LRCH3: variants seen among roughly 807,000 people sequenced by gnomAD.
LRCH3 encodes the protein leucine rich repeats and calponin homology domain containing 3.
In LRCH3, 68 loss-of-function variants were observed where a neutral mutation model predicts 104.5. The ratio of observed to expected loss-of-function variants is 0.65; its 90% CI spans 0.54 to 0.80. The LOEUF (loss-of-function observed/expected upper bound fraction) is 0.80. LRCH3 is among the 30% of genes least tolerant of loss of function. The pLI is 0.00. For synonymous variants in LRCH3, 344 were observed against 361.3 expected, an observed-to-expected ratio of 0.95 and a Z score of 0.54; for missense variants, 951 against 953.9, an observed-to-expected ratio of 1.00 and a Z score of 0.04.
At chr3:197,848,568 C>G (rs1369451949) in intron 12 of LRCH3, 1 of 152,494 alleles carries the variant, frequency 6.6e-6, no homozygotes, top group African/African-American at 2.4e-5. Flanking sequence ...TCTTTTTGTT[C>G]TGAAATCGTC....
Position 197,879,383 on chromosome 3 carries a change from A to C in LRCH3, c.2208+3608A>C, listed in dbSNP as rs373950247. Among the ~76,000 whole-genome samples, 219 of 152,088 alleles carry C rather than the reference A, an allele frequency of 1.4e-3. 3 individuals are homozygous for C. Among genetic ancestry groups the C allele is most frequent in the East Asian group, 0.012 (61 of 5,178 alleles). On this transcript the variant is annotated intron_variant, in intron 20 of 20. Coordinates refer to ENST00000425562, the MANE Select transcript of LRCH3 (RefSeq NM_001365715.1). ...ACCCCCTGGCCGGGCGCGGTGGCTC[A>C]CGCCTGTAATCCCAGCACTTTGGGA...
At chr3:197,857,402 CT>C (rs1487984806) in intron 14 of LRCH3, among the ~76,000 whole-genome samples, 1 of 146,996 alleles carries the variant, frequency 6.8e-6, no homozygotes, top group African/African-American at 2.5e-5. Context: ...ATCAGTCACA[CT>C]GACATTCTCT....
intron 8 of LRCH3, among the ~76,000 whole-genome samples, chr3:197,833,702 A>G (rs183428131): frequency 3.9e-4 from 59 of 152,334 alleles, no homozygotes; most frequent in Admixed American, 2.6e-3. Context: ...AATGTAAAAT[A>G]TTAAAGTTAA....
rs182276921 is a variant in LRCH3 at position 197,856,323 on chromosome 3, T to C, written c.1644+1878T>C. ...CCGGGAAGTATACATAGTGTATTAC[T>C]GTTGTCACGGTAATTTTTTTATCAT... On this transcript the variant is annotated intron_variant, in intron 14 of 20. Transcript: ENST00000425562. The surrounding 1 kb of genome is among the most constrained non-coding windows in gnomAD (Gnocchi z 4.2). Among the ~76,000 whole-genome samples the C allele has an allele frequency of 1.9e-3, 289 of 152,352 alleles. 3 individuals carry two copies. Among genetic ancestry groups the C allele is most frequent in the Non-Finnish European group, 2.6e-4 (18 of 68,024 alleles).
At chr3:197,830,225 T>A (rs1249948539) in intron 6 of LRCH3, among the ~76,000 whole-genome samples, 3 of 152,250 alleles carry the variant, frequency 2.0e-5, no homozygotes, top group Admixed American at 6.5e-5. Context: ...TAAGGTCATC[T>A]GCTTGGCAGT....
chr3:197,882,767 A>G lies in LRCH3; in HGVS notation c.2209-774A>G, dbSNP rs970397064. 3 of 985,338 alleles carry G rather than the reference A, an allele frequency of 3.0e-6. No homozygotes were observed. In the African/African-American group the frequency reaches 5.2e-5, roughly 17 times the overall value. 61.0% of individuals were successfully genotyped at this position (985,338 alleles called of 1,614,324 possible). ...ATTAAGGAAGCGTTTAACTTCCTCA[A>G]GCAAACAGTGTCAACACTTCTCACA... On this transcript the variant is annotated intron_variant, in intron 20 of 20. Transcript: ENST00000425562.
At chr3:197,864,029 G>C (rs1741175638) in intron 15 of LRCH3, among the ~76,000 whole-genome samples, 2 of 152,238 alleles carry the variant, frequency 1.3e-5, no homozygotes, top group South Asian at 2.1e-4. Context: ...AACTAGGCCG[G>C]GCGTGGTGGC....
chr3:197,848,723 A>G (rs1049262410), intron 12 of LRCH3, among the ~76,000 whole-genome samples: 2 of 152,218 alleles, frequency 1.3e-5, no homozygotes, highest in African/African-American at 4.8e-5. Context: ...GCTCATAGTA[A>G]TGGTCAATAA....
chr3:197,873,183 C>A (rs1164648955), intron 19 of LRCH3, among the ~76,000 whole-genome samples: 1 of 152,170 alleles, frequency 6.6e-6, no homozygotes, highest in Non-Finnish European at 1.5e-5. Flanking sequence ...TGAAAAATTT[C>A]AACCTTCAGA....
chr3:197,805,960 C>T (rs183996613), intron 1 of LRCH3, among the ~76,000 whole-genome samples: 141 of 152,040 alleles, frequency 9.3e-4, no homozygotes, highest in Non-Finnish European at 1.6e-3. Flanking sequence ...GAATTTCACT[C>T]TTGTTGCCCA....
At chr3:197,796,899 GACAAATAGAA>G (rs1211172649) in intron 1 of LRCH3, among the ~76,000 whole-genome samples, 3 of 152,084 alleles carry the variant, frequency 2.0e-5, no homozygotes, top group Admixed American at 1.3e-4. Context: ...AATCATGTGG[GACAAATAGAA>G]ACAAATAGAA....
chr3:197,879,625 T>A (rs1272730690), intron 20 of LRCH3, among the ~76,000 whole-genome samples: 1 of 151,216 alleles, frequency 6.6e-6, no homozygotes, highest in Admixed American at 6.6e-5. Context: ...TCAAAAAAAA[T>A]AAAAAATAAA....
At chr3:197,801,598 C>G (rs1580543393) in intron 1 of LRCH3, among the ~76,000 whole-genome samples, 1 of 152,134 alleles carries the variant, frequency 6.6e-6, no homozygotes, top group South Asian at 2.1e-4. Context: ...ACCATCCCTC[C>G]TCCCCAGTTA....
At chr3:197,792,809 A>G (rs1369135450) in intron 1 of LRCH3, among the ~76,000 whole-genome samples, 5 of 148,690 alleles carry the variant, frequency 3.4e-5, no homozygotes, top group East Asian at 2.0e-4. Context: ...CCGCCACCAC[A>G]CCCGGCTAAT....
In LRCH3 at chr3:197,883,870, C is replaced by A. The variant is rs1713986852; in HGVS notation, c.*204C>A. The stretch of plus-strand genomic sequence containing the variant: ...TCCATTGAATTTTTTTACGAAGACA[C>A]CATTGGTTTTCTCAGATGAAACTTC... On this transcript the variant is annotated 3_prime_UTR_variant, in exon 21 of 21. Transcript: ENST00000425562. The surrounding 1 kb of genome is among the most constrained non-coding windows in gnomAD (Gnocchi z 4.2). 2 of 518,874 alleles carry A rather than the reference C, an allele frequency of 3.9e-6. No homozygotes were observed. The highest frequency in any genetic ancestry group is 6.3e-6 in the Non-Finnish European group (2 of 318,048). The allele number at this position is 518,874 out of a possible 1,614,324, so 32.1% of individuals were successfully genotyped here. A position where few individuals can be genotyped will look rare whatever the true frequency, so the allele number is the denominator to read the frequency against.
intron 19 of LRCH3, 108 bp downstream of exon 19, chr3:197,871,570 A>G: frequency 6.9e-7 from 1 of 1,458,976 alleles, no homozygotes; most frequent in Admixed American, 1.9e-5. Flanking sequence ...ACAGATATAA[A>G]GAGTCCAGTC....
intron 10 of LRCH3, among the ~76,000 whole-genome samples, chr3:197,845,359 G>A (rs1000211223): frequency 1.2e-4 from 17 of 145,706 alleles, no homozygotes; most frequent in South Asian, 4.3e-4. Flanking sequence ...AGCTGAGATC[G>A]CACCACTGCA....
intron 5 of LRCH3, 149 bp from the exon 6 acceptor site, chr3:197,829,415 T>C (rs183447490): frequency 2.1e-6 from 1 of 468,970 alleles, no homozygotes; most frequent in Non-Finnish European, 3.7e-6. Flanking sequence ...AACCAAATAA[T>C]ATAATTTATT....
chr3:197,848,088 C>T (rs1739021484), intron 12 of LRCH3, 67 bp downstream of exon 12: 7 of 1,546,510 alleles, frequency 4.5e-6, no homozygotes, highest in South Asian at 1.2e-5. Context: ...TGGTCAGGCC[C>T]GTTGGTTTTT....
Sources: gnomAD v4.1 joint callset for allele counts (sites outside exome capture counted in the v4.1 genomes callset) on GRCh38, gnomAD v4.1.1 for gene constraint, Gnocchi (gnomAD v3.1) non-coding constraint, MANE v1.5 for transcripts, NCBI Gene and HGNC (gene_info 2026-07-23, HGNC 2026-07-21) for gene names.